Variants in FLRT1 observed in about 807,000 individuals in gnomAD.
FLRT1 encodes leucine-rich repeat transmembrane protein FLRT1.
FLRT1 carries 14 observed loss-of-function variants against 30.9 expected under a neutral mutation model. The observed-to-expected ratio is 0.45, with a 90% CI of 0.30 to 0.71. The LOEUF is 0.71. Among genes scored for constraint, FLRT1 ranks in the 30% least tolerant of loss-of-function variants. The pLI, the probability that FLRT1 is intolerant of heterozygous loss-of-function variation, is 0.08. For synonymous variants in FLRT1, 368 were observed against 430.4 expected, an observed-to-expected ratio of 0.85 and a Z score of 1.80; for missense variants, 737 against 949.2, an observed-to-expected ratio of 0.78 and a Z score of 2.94.
At chr11:64,065,229 G>A (rs183890215) in intron 1 of FLRT1, among the ~76,000 whole-genome samples, 201 of 152,324 alleles carry the variant, frequency 1.3e-3, no homozygotes, top group Middle Eastern at 6.8e-3. Context: ...GATGAAGAGC[G>A]GGTAGAGTGT....
At chr11:64,086,309 G>A (rs1001014983) in intron 1 of FLRT1, among the ~76,000 whole-genome samples, 2 of 151,984 alleles carry the variant, frequency 1.3e-5, no homozygotes, top group South Asian at 4.2e-4. Context: ...GTGCATACCG[G>A]CACCTGCACA....
chr11:64,042,765 G>A (rs1180575744), intron 1 of FLRT1, among the ~76,000 whole-genome samples: 2 of 152,186 alleles, frequency 1.3e-5, no homozygotes, highest in Non-Finnish European at 2.9e-5. Context: ...TGGACCACTA[G>A]GTCCCTAGTA....
rs759006883 is a variant in FLRT1 at position 64,116,984 on chromosome 11, C to T, written c.717C>T (p.Ile239=). 2.5e-6 allele frequency: 4 copies of T among 1,612,272 alleles called. No individual in the cohort carries two copies. The highest frequency in any genetic ancestry group is 1.7e-5 in the Admixed American group (1 of 60,010). The part of the protein sequence containing the change: ...LDGNLLANQR[I]ADDTFSRLQN... ...GTAACCTGCTGGCCAACCAGCGCAT[C>T]GCCGACGACACCTTCAGCCGCCTAC... Residue 239 remains isoleucine, a synonymous_variant, in exon 3 of 3, where the codon ATC becomes ATT. Coordinates refer to ENST00000682287, the MANE Select transcript of FLRT1 (RefSeq NM_013280.5).
chr11:64,076,529 G>A (rs1314559458), intron 1 of FLRT1, among the ~76,000 whole-genome samples: 1 of 152,112 alleles, frequency 6.6e-6, no homozygotes, highest in Non-Finnish European at 1.5e-5. Flanking sequence ...CTGGCACTGG[G>A]GTCTGGAGAC....
rs138747206 is a variant in FLRT1 at position 64,037,045 on chromosome 11, G to A, written c.-1038+886G>A. On this transcript the variant is annotated intron_variant, in intron 1 of 2. Transcript: ENST00000682287. Reference sequence around the variant, plus strand: ...GGAGGTCTTCGAGGCCCTCCAGGGTGGGCAGTTTTGAGAGAATACAGCCCA... The same window carrying A: ...GGAGGTCTTCGAGGCCCTCCAGGGTAGGCAGTTTTGAGAGAATACAGCCCA... 1.9e-3 allele frequency among the ~76,000 whole-genome samples: 284 copies of A among 151,474 alleles called. 1 individual carries two copies. Among genetic ancestry groups the A allele is most frequent in the African/African-American group, 6.5e-3 (268 of 41,272 alleles).
intron 1 of FLRT1, among the ~76,000 whole-genome samples, chr11:64,060,991 C>T (rs1168232109): frequency 1.3e-5 from 2 of 151,940 alleles, no homozygotes; most frequent in African/African-American, 4.8e-5. Context: ...GGCGGGCCGG[C>T]GTCGACCTTC....
intron 1 of FLRT1, among the ~76,000 whole-genome samples, chr11:64,066,158 A>ATG (rs1944001574): frequency 2.0e-5 from 3 of 151,818 alleles, no homozygotes; most frequent in African/African-American, 7.3e-5. Context: ...TTAGCTGGGC[A>ATG]TGGTGGTGGG....
chr11:64,054,477 G>A (rs763145399), intron 1 of FLRT1, among the ~76,000 whole-genome samples: 1 of 152,080 alleles, frequency 6.6e-6, no homozygotes, highest in African/African-American at 2.4e-5. Flanking sequence ...TGCTGGGTTC[G>A]CTGTGCAGTA....
rs1487308247 is a variant in FLRT1, at chr11:64,064,792, C to T, written c.-1038+28633C>T. Among the ~76,000 whole-genome samples, 1 of 151,974 alleles carries T rather than the reference C, an allele frequency of 6.6e-6. No homozygotes were observed. Among genetic ancestry groups the T allele is most frequent in the Non-Finnish European group, 1.5e-5 (1 of 67,976 alleles). ...CAAAGGCTGACAGAACAGAGGCTGCCAACTAAAACCTGGGCACCCGGTGGC... is the reference window on the plus strand; with the variant it reads ...CAAAGGCTGACAGAACAGAGGCTGCTAACTAAAACCTGGGCACCCGGTGGC... On this transcript the variant is annotated intron_variant, in intron 1 of 2. Transcript: ENST00000682287. This position sits in a 1 kb window ranked among gnomAD's most constrained non-coding sequence, Gnocchi z 4.5.
intron 1 of FLRT1, among the ~76,000 whole-genome samples, chr11:64,076,693 T>A (rs909231005): frequency 6.6e-6 from 1 of 151,934 alleles, no homozygotes; most frequent in African/African-American, 2.4e-5. Context: ...CAGAAAGAGG[T>A]TGGTCCTCCA....
rs1344279994 is a variant in FLRT1 at position 64,036,487 on chromosome 11, C to T, written c.-1038+328C>T. On this transcript the variant is annotated intron_variant, in intron 1 of 2. Transcript: ENST00000682287. This position sits in a 1 kb window ranked among gnomAD's most constrained non-coding sequence, Gnocchi z 5.6. ...AGCTCTAGTCCAAGCCCTCGCTGCA[C>T]CCCCCAGGGAGGGGGCCTGGCCCGT... is the stretch of plus-strand genomic sequence containing the variant. Among the ~76,000 whole-genome samples, 1 of 151,224 alleles carries T rather than the reference C, an allele frequency of 6.6e-6. No homozygotes were observed.
At position 64,041,797 on chromosome 11, in the gene FLRT1, A is replaced by C. The variant is rs868801658; in HGVS notation, c.-1038+5638A>C. ...GAGGGGGCCTGGCTTTGGTTCAGGG[A>C]ATCTGGCTGTTAGGGGGTGGGTGTC... On this transcript the variant is annotated intron_variant, in intron 1 of 2. Transcript: ENST00000682287. 3.3e-5 allele frequency among the ~76,000 whole-genome samples: 5 copies of C among 152,150 alleles called. No homozygotes were observed. The Middle Eastern group carries it at 0.014, about 414-fold the overall frequency.
intron 1 of FLRT1, among the ~76,000 whole-genome samples, chr11:64,088,025 T>C (rs1590889765): frequency 6.6e-6 from 1 of 152,080 alleles, no homozygotes; most frequent in Non-Finnish European, 1.5e-5. Context: ...ACCCCGGTGG[T>C]GGAGGCCCTG....
chr11:64,041,986 A>G (rs1266748183), intron 1 of FLRT1, among the ~76,000 whole-genome samples: 1 of 151,756 alleles, frequency 6.6e-6, no homozygotes, highest in African/African-American at 2.4e-5. Flanking sequence ...ACTTGGGTTC[A>G]GTGGGGGGCA....
At position 64,061,958 on chromosome 11, in the gene FLRT1, C is replaced by G. The variant is rs552246099; in HGVS notation, c.-1038+25799C>G. On this transcript the variant is annotated intron_variant, in intron 1 of 2. Transcript: ENST00000682287. ...TCAAATTCCTGGGCCTCTGCCACCA[C>G]CATGCCACCCCCACCCCCCTGCCCC... Among the ~76,000 whole-genome samples the G allele has an allele frequency of 8.7e-5, 13 of 148,938 alleles. No individual in the cohort carries two copies. In the South Asian group the frequency reaches 2.8e-3, roughly 32 times the overall value.
Position 64,117,642 on chromosome 11 carries a change from C to G in FLRT1, c.1375C>G (p.Leu459Val), listed in dbSNP as rs761911540. 1 of 1,613,758 alleles carries G rather than the reference C, an allele frequency of 6.2e-7. No individual in the cohort carries two copies. Among genetic ancestry groups the G allele is most frequent in the Non-Finnish European group, 8.5e-7 (1 of 1,180,046 alleles). ...DSIRITWKAT[L>V]PASSFRLSWL... ...CATCCGCATCACGTGGAAGGCCACG[C>G]TCCCCGCCTCCTCTTTCCGGCTCAG... Residue 459 changes from leucine (L) to valine (V), a missense_variant, in exon 3 of 3, where the codon CTC (leucine) becomes GTC (valine). Leu to Val is a conservative substitution (Grantham distance 32, BLOSUM62 1). Transcript: ENST00000682287.
At chr11:64,074,560 G>A (rs1358579373) in intron 1 of FLRT1, among the ~76,000 whole-genome samples, 3 of 152,194 alleles carry the variant, frequency 2.0e-5, no homozygotes, top group Non-Finnish European at 4.4e-5. Flanking sequence ...AAGCAATTCC[G>A]ATGTCACCTC....
chr11:64,087,749 C>A (rs1281881894), intron 1 of FLRT1, among the ~76,000 whole-genome samples: 1 of 152,254 alleles, frequency 6.6e-6, no homozygotes, highest in Non-Finnish European at 1.5e-5. Flanking sequence ...CCACCCAGTA[C>A]ACAGAGCACG....
At chr11:64,047,283 G>A (rs1943602334) in intron 1 of FLRT1, among the ~76,000 whole-genome samples, 1 of 152,066 alleles carries the variant, frequency 6.6e-6, no homozygotes, top group South Asian at 2.1e-4. Flanking sequence ...CGAGATAAAT[G>A]GCTTTCTTTG....
Sources: allele counts gnomAD v4.1 joint callset (sites outside exome capture counted in the v4.1 genomes callset), GRCh38; gene constraint gnomAD v4.1.1; non-coding constraint Gnocchi (gnomAD v3.1); transcripts MANE v1.5; gene names NCBI Gene and HGNC (gene_info 2026-07-23, HGNC 2026-07-21).